Variants in ARSJ observed in about 807,000 individuals in gnomAD.
The protein encoded by ARSJ is arylsulfatase family member J, also known as arylsulfatase J.
A neutral mutation model predicts 35.9 loss-of-function variants in ARSJ; 26 were observed. The observed-to-expected ratio is 0.72, with a 90% CI of 0.53 to 1.00. The LOEUF (loss-of-function observed/expected upper bound fraction) is 1.00. Ranked by LOEUF, ARSJ falls within the 50% of genes least tolerant of loss-of-function variation. ARSJ has a pLI of 0.00. For missense variants in ARSJ, 667 were observed against 723.6 expected (o/e 0.92, Z 0.90); for synonymous variants, 294 against 267.6 (o/e 1.10, Z -0.96).
intron 1 of ARSJ, among the ~76,000 whole-genome samples, chr4:113,948,606 A>T (rs968155738): frequency 4.6e-5 from 7 of 152,030 alleles, no homozygotes; most frequent in African/African-American, 1.4e-4. Flanking sequence ...TGTTAATGTT[A>T]TCATTGGTCT....
chr4:113,974,862 A>G (rs1727497051), intron 1 of ARSJ, among the ~76,000 whole-genome samples: 1 of 152,214 alleles, frequency 6.6e-6, no homozygotes, highest in African/African-American at 2.4e-5. Flanking sequence ...CAAAAAACAT[A>G]TACAAGTATT....
At chr4:113,969,097 C>A (rs1727075403) in intron 1 of ARSJ, among the ~76,000 whole-genome samples, 1 of 152,126 alleles carries the variant, frequency 6.6e-6, no homozygotes, top group African/African-American at 2.4e-5. Flanking sequence ...CTTTCCATTA[C>A]CCTATTTCCA....
At chr4:113,941,315 T>A (rs1266962432) in intron 1 of ARSJ, among the ~76,000 whole-genome samples, 1 of 152,048 alleles carries the variant, frequency 6.6e-6, no homozygotes, top group South Asian at 2.1e-4. Flanking sequence ...TTGGTATCTC[T>A]GGTAATTGTA....
intron 1 of ARSJ, among the ~76,000 whole-genome samples, chr4:113,947,518 G>A (rs1301637890): frequency 1.4e-5 from 2 of 139,514 alleles, no homozygotes; most frequent in African/African-American, 5.2e-5. Context: ...AAGAAAGAGA[G>A]AGAGAGGGAG....
At position 113,902,070 on chromosome 4, in the gene ARSJ, G is replaced by T; in HGVS notation, c.*204C>A. ...AACATCTCCACTCTCTCTAAGTGTG[G>T]CTTGCAAGAGTAGCACCTTGGCACT... On this transcript the variant is annotated 3_prime_UTR_variant, in exon 2 of 2. Coordinates refer to ENST00000315366, the MANE Select transcript of ARSJ (RefSeq NM_024590.4). 6.7e-7 allele frequency: 1 copy of T among 1,498,108 alleles called. No individual in the cohort carries two copies. Among genetic ancestry groups the T allele is most frequent in the Non-Finnish European group, 9.0e-7 (1 of 1,110,952 alleles). 92.8% of individuals were successfully genotyped at this position (1,498,108 alleles called of 1,614,324 possible). A position where few individuals can be genotyped will look rare whatever the true frequency, so the allele number is the denominator to read the frequency against.
chr4:113,926,901 T>C (rs1425786190), intron 1 of ARSJ, among the ~76,000 whole-genome samples: 1 of 152,154 alleles, frequency 6.6e-6, no homozygotes, highest in Non-Finnish European at 1.5e-5. Context: ...AGGCCTCTGC[T>C]GTGATTCACT....
At position 113,967,454 on chromosome 4, in the gene ARSJ, C is replaced by A. The variant is rs559372607; in HGVS notation, c.398+10983G>T. 1.8e-3 allele frequency among the ~76,000 whole-genome samples: 274 copies of A among 152,092 alleles called. 1 individual carries two copies. Among genetic ancestry groups the A allele is most frequent in the Middle Eastern group, 0.01 (3 of 294 alleles). On this transcript the variant is annotated intron_variant, in intron 1 of 1. Coordinates refer to ENST00000315366, the MANE Select transcript of ARSJ (RefSeq NM_024590.4). ...CCAGGTAATGCTCTATGTATTTTTG[C>A]CCCTATGGTCTTATTTAATAAGATA...
intron 1 of ARSJ, among the ~76,000 whole-genome samples, chr4:113,942,460 C>G (rs1725216316): frequency 6.6e-6 from 1 of 152,016 alleles, no homozygotes; most frequent in Non-Finnish European, 1.5e-5. Context: ...CCTATTTCCT[C>G]TCTGTTCCAA....
intron 1 of ARSJ, among the ~76,000 whole-genome samples, chr4:113,962,757 T>G (rs1726635830): frequency 6.6e-6 from 1 of 152,058 alleles, no homozygotes; most frequent in African/African-American, 2.4e-5. Flanking sequence ...CTGTTAAAAA[T>G]GAAGTTAGAT....
chr4:113,933,678 C>T (rs1014037986), intron 1 of ARSJ, among the ~76,000 whole-genome samples: 1 of 151,684 alleles, frequency 6.6e-6, no homozygotes, highest in African/African-American at 2.4e-5. Flanking sequence ...CGATAAAATT[C>T]AACATATGAC....
At chr4:113,913,166 A>G (rs796681537) in intron 1 of ARSJ, among the ~76,000 whole-genome samples, 17 of 152,246 alleles carry the variant, frequency 1.1e-4, no homozygotes, top group African/African-American at 4.1e-4. Flanking sequence ...AGATAAGGAA[A>G]CTTGTCAAGT....
At chr4:113,909,435 C>T (rs1270498243) in intron 1 of ARSJ, among the ~76,000 whole-genome samples, 1 of 152,178 alleles carries the variant, frequency 6.6e-6, no homozygotes, top group Non-Finnish European at 1.5e-5. Context: ...GCTGTGCCCC[C>T]ACCCAAATCT....
At chr4:113,922,786 T>C (rs1197974381) in intron 1 of ARSJ, among the ~76,000 whole-genome samples, 1 of 152,176 alleles carries the variant, frequency 6.6e-6, no homozygotes, top group East Asian at 1.9e-4. Context: ...TTCTTTCCAG[T>C]GTACTCCATG....
At chr4:113,909,212 C>T (rs72893438) in intron 1 of ARSJ, among the ~76,000 whole-genome samples, 5,259 of 152,150 alleles carry the variant, frequency 0.035, 319 homozygotes, top group African/African-American at 0.12. Flanking sequence ...GATAGTTCAA[C>T]TCCTCTCTGT....
At chr4:113,931,195 A>T in intron 1 of ARSJ, among the ~76,000 whole-genome samples, 1 of 152,248 alleles carries the variant, frequency 6.6e-6, no homozygotes, top group East Asian at 1.9e-4. Flanking sequence ...AATAGAAAAA[A>T]AAAAGTATAA....
chr4:113,904,086 ATT>A (rs10607935), intron 1 of ARSJ, among the ~76,000 whole-genome samples: 74,212 of 149,238 alleles, frequency 0.5, 19,558 homozygotes, highest in Middle Eastern at 0.62. Flanking sequence ...ACATGCCCAG[ATT>A]TTTTTTTTTT....
In ARSJ at chr4:113,901,191, T is replaced by A. The variant is rs970553931; in HGVS notation, c.*1083A>T. The stretch of plus-strand genomic sequence containing the variant: ...AGCCACAGTAAATTTTCTAGTGCCA[T>A]AAAGTAAATCATTTTAATAATTAAG... On this transcript the variant is annotated 3_prime_UTR_variant, in exon 2 of 2. Transcript: ENST00000315366. 6.6e-6 allele frequency: 1 copy of A among 152,182 alleles called. No homozygotes were observed. The highest frequency in any genetic ancestry group is 6.5e-5 in the Admixed American group (1 of 15,280). 9.4% of individuals were successfully genotyped at this position (152,182 alleles called of 1,614,324 possible).
chr4:113,923,651 C>G (rs1440258096), intron 1 of ARSJ, among the ~76,000 whole-genome samples: 1 of 151,852 alleles, frequency 6.6e-6, no homozygotes, highest in Non-Finnish European at 1.5e-5. Flanking sequence ...TTCCAACATC[C>G]TATTTGCACT....
In ARSJ at chr4:113,979,600, C is replaced by G. The variant is rs1446142072; in HGVS notation, c.-766G>C. ...CCCCGCGGCCGGTCCGCGCGGAGCCCGCTTGGTCTTTGCGTAGTTGGCGCA... is the reference window on the plus strand; with the variant it reads ...CCCCGCGGCCGGTCCGCGCGGAGCCGGCTTGGTCTTTGCGTAGTTGGCGCA... On this transcript the variant is annotated 5_prime_UTR_variant, in exon 1 of 2. Coordinates refer to ENST00000315366, the MANE Select transcript of ARSJ (RefSeq NM_024590.4). 1.3e-5 allele frequency: 2 copies of G among 152,318 alleles called. No homozygotes were observed. Among genetic ancestry groups the G allele is most frequent in the Non-Finnish European group, 2.9e-5 (2 of 68,094 alleles). The allele number at this position is 152,318 out of a possible 1,614,324, so 9.4% of individuals were successfully genotyped here.
Sources: allele counts gnomAD v4.1 joint callset (sites outside exome capture counted in the v4.1 genomes callset), GRCh38; gene constraint gnomAD v4.1.1; transcripts MANE v1.5; gene names NCBI Gene and HGNC (gene_info 2026-07-23, HGNC 2026-07-21).